CNBD1: variants seen among roughly 807,000 people sequenced by gnomAD.
CNBD1 encodes cyclic nucleotide-binding domain-containing protein 1.
A neutral mutation model predicts 54.4 loss-of-function variants in CNBD1; 71 were observed. The observed-to-expected ratio is 1.30, with a 90% CI of 1.08 to 1.59. CNBD1 has a LOEUF of 1.59. CNBD1 is among the 40% of genes most tolerant of loss of function. CNBD1 has a pLI of 0.00. For missense variants in CNBD1, 659 were observed against 518.0 expected, an observed-to-expected ratio of 1.27 and a Z score of -2.64; for synonymous variants, 182 against 170.7, an observed-to-expected ratio of 1.07 and a Z score of -0.51.
At chr8:87,383,287 T>C (rs1811120230), downstream of CNBD1, among the ~76,000 whole-genome samples, 1 of 151,990 alleles carries the variant, frequency 6.6e-6, no homozygotes, top group Admixed American at 6.6e-5. Context: ...TAGTATAGTT[T>C]CAGTTTATCT....
In CNBD1 at chr8:87,159,626, A is replaced by G. The variant is rs561817050; in HGVS notation, c.432-46367A>G. Among the ~76,000 whole-genome samples, 22 of 152,140 alleles carry G rather than the reference A, an allele frequency of 1.4e-4. No individual in the cohort carries two copies. The East Asian group carries it at 3.9e-3, about 27-fold the overall frequency. ...CTGGATGACCAGTATCACATCTGCT[A>G]TAGTTGGACTGCTGGTGTGGAAATT... On this transcript the variant is annotated intron_variant, in intron 4 of 10. Transcript: ENST00000518476.
intron 6 of CNBD1, among the ~76,000 whole-genome samples, chr8:87,275,449 A>C (rs1004498286): frequency 7.2e-5 from 11 of 151,880 alleles, no homozygotes; most frequent in East Asian, 1.9e-4. Flanking sequence ...CTTTTATTTC[A>C]TTGAGCAGTG....
chr8:87,137,135 A>ATT (rs1270776063), intron 4 of CNBD1, among the ~76,000 whole-genome samples: 5 of 133,936 alleles, frequency 3.7e-5, no homozygotes, highest in Non-Finnish European at 7.9e-5. Context: ...TTATATATAA[A>ATT]TTATATATAT....
chr8:86,986,121 G>T (rs949302559), intron 4 of CNBD1, among the ~76,000 whole-genome samples: 2 of 152,022 alleles, frequency 1.3e-5, no homozygotes, highest in African/African-American at 4.8e-5. Flanking sequence ...GTAGAGATAG[G>T]GTTTCACCAT....
At chr8:87,048,571 G>T (rs566709670) in intron 4 of CNBD1, among the ~76,000 whole-genome samples, 2 of 152,228 alleles carry the variant, frequency 1.3e-5, no homozygotes, top group African/African-American at 4.8e-5. Flanking sequence ...TAAATGAGGG[G>T]TCCAATGTCA....
intron 1 of CNBD1, among the ~76,000 whole-genome samples, chr8:86,877,895 G>C (rs1808547483): frequency 6.6e-6 from 1 of 151,988 alleles, no homozygotes; most frequent in East Asian, 1.9e-4. Flanking sequence ...ATTTGAATGT[G>C]TTAGCCTCTG....
intron 4 of CNBD1, among the ~76,000 whole-genome samples, chr8:86,991,378 C>T (rs572016478): frequency 2.0e-5 from 3 of 151,874 alleles, no homozygotes; most frequent in Non-Finnish European, 4.4e-5. Context: ...CTCTCTCTGA[C>T]ACACACTCTC....
chr8:87,117,019 C>T (rs916037971), intron 4 of CNBD1, among the ~76,000 whole-genome samples: 1 of 152,126 alleles, frequency 6.6e-6, no homozygotes, highest in African/African-American at 2.4e-5. Flanking sequence ...TCATCCCCTA[C>T]CACGGTGTAT....
At chr8:87,124,076 T>C (rs1427058068) in intron 4 of CNBD1, among the ~76,000 whole-genome samples, 1 of 151,646 alleles carries the variant, frequency 6.6e-6, no homozygotes, top group Non-Finnish European at 1.5e-5. Flanking sequence ...ATGCCAATTA[T>C]TGAAAATTTC....
intron 8 of CNBD1, among the ~76,000 whole-genome samples, chr8:87,320,180 C>T (rs746108180): frequency 6.6e-6 from 1 of 152,044 alleles, no homozygotes; most frequent in African/African-American, 2.4e-5. Flanking sequence ...TTTTAACTCT[C>T]TTATACTAGC....
chr8:87,331,059 A>G (rs1467852073), intron 8 of CNBD1, among the ~76,000 whole-genome samples: 2 of 151,748 alleles, frequency 1.3e-5, no homozygotes, highest in Non-Finnish European at 2.9e-5. Flanking sequence ...TTTATTCTTT[A>G]TTTTTTTACT....
intron 4 of CNBD1, among the ~76,000 whole-genome samples, chr8:87,123,353 A>G (rs1019473141): frequency 1.3e-5 from 2 of 151,884 alleles, no homozygotes; most frequent in Admixed American, 1.3e-4. Flanking sequence ...GAAATCAGTA[A>G]CAAGAAAAAT....
At chr8:86,980,604 G>A (rs1808465710) in intron 4 of CNBD1, among the ~76,000 whole-genome samples, 1 of 152,188 alleles carries the variant, frequency 6.6e-6, no homozygotes, top group Admixed American at 6.5e-5. Context: ...ATCATTAAGA[G>A]TCAAAGGGAT....
At chr8:87,168,261 G>A (rs1322279627) in intron 4 of CNBD1, among the ~76,000 whole-genome samples, 1 of 151,916 alleles carries the variant, frequency 6.6e-6, no homozygotes, top group Non-Finnish European at 1.5e-5. Flanking sequence ...AAGTATGATT[G>A]CGTATCTATT....
At chr8:87,031,033 C>A (rs564443397) in intron 4 of CNBD1, among the ~76,000 whole-genome samples, 53 of 148,346 alleles carry the variant, frequency 3.6e-4, no homozygotes, top group Non-Finnish European at 7.0e-4. Flanking sequence ...AAGCCCTCTT[C>A]ACCAAGCAGA....
intron 8 of CNBD1, among the ~76,000 whole-genome samples, chr8:87,314,313 TA>T (rs546603816): frequency 1.0e-3 from 139 of 136,122 alleles, no homozygotes; most frequent in South Asian, 2.5e-3. Context: ...TCTCATTTTT[TA>T]AAAAAAAAGA....
At chr8:87,026,320 TCTTCCTTCCCTTCTTG>T (rs1206656340) in intron 4 of CNBD1, among the ~76,000 whole-genome samples, 3 of 151,880 alleles carry the variant, frequency 2.0e-5, no homozygotes, top group East Asian at 1.9e-4. Flanking sequence ...CCTGCTCCTT[TCTTCCTTCCCTTCTTG>T]CTTCCTTCCC....
intron 4 of CNBD1, among the ~76,000 whole-genome samples, chr8:87,137,033 T>C (rs1273948046): frequency 1.8e-5 from 2 of 113,386 alleles, no homozygotes; most frequent in Non-Finnish European, 3.3e-5. Flanking sequence ...ATATTATATT[T>C]ATATTCTATG....
At chr8:87,273,123 C>T (rs926039699) in intron 6 of CNBD1, among the ~76,000 whole-genome samples, 1 of 151,774 alleles carries the variant, frequency 6.6e-6, no homozygotes, top group Non-Finnish European at 1.5e-5. Context: ...AATAGTAGTA[C>T]TGTAGTAGTG....
Sources: gnomAD v4.1 joint callset for allele counts (sites outside exome capture counted in the v4.1 genomes callset) on GRCh38, gnomAD v4.1.1 for gene constraint, MANE v1.5 for transcripts, NCBI Gene and HGNC (gene_info 2026-07-23, HGNC 2026-07-21) for gene names.